Variants in TAFA1 observed in about 807,000 individuals in gnomAD.
The protein encoded by TAFA1 is chemokine-like protein TAFA-1.
A neutral mutation model predicts 18.5 loss-of-function variants in TAFA1; 4 were observed. That is an observed-to-expected ratio of 0.22 (90% CI 0.11 to 0.49). The LOEUF (loss-of-function observed/expected upper bound fraction) is 0.49, where lower values mean the gene tolerates loss of function less well. Ranked by LOEUF, TAFA1 falls within the 20% of genes least tolerant of loss-of-function variation. The pLI is 0.98. For synonymous variants in TAFA1, 56 were observed against 55.2 expected, an observed-to-expected ratio of 1.01 and a Z score of -0.06; for missense variants, 147 against 169.0, an observed-to-expected ratio of 0.87 and a Z score of 0.72.
At chr3:68,282,361 T>A (rs2067914494) in intron 2 of TAFA1, among the ~76,000 whole-genome samples, 1 of 152,180 alleles carries the variant, frequency 6.6e-6, no homozygotes, top group Admixed American at 6.5e-5. Context: ...GAGTACCTTG[T>A]GCATCCTTGT....
At chr3:68,335,906 A>G (rs1032867974) in intron 2 of TAFA1, among the ~76,000 whole-genome samples, 1 of 152,188 alleles carries the variant, frequency 6.6e-6, no homozygotes, top group Non-Finnish European at 1.5e-5. Context: ...TCATTTGTAC[A>G]CCTTCTTTGT....
At chr3:68,103,363 T>A (rs1309692540) in intron 2 of TAFA1, among the ~76,000 whole-genome samples, 3 of 152,252 alleles carry the variant, frequency 2.0e-5, no homozygotes, top group Non-Finnish European at 4.4e-5. Flanking sequence ...GGTTTCCTTG[T>A]TTTTAAACAT....
chr3:68,053,488 T>C (rs2106708011), intron 2 of TAFA1, among the ~76,000 whole-genome samples: 2 of 152,244 alleles, frequency 1.3e-5, no homozygotes, highest in Admixed American at 1.3e-4. Context: ...AGATACTCTC[T>C]TTACATTTCT....
chr3:68,471,736 C>T (rs1391209184), intron 3 of TAFA1, among the ~76,000 whole-genome samples: 2 of 152,162 alleles, frequency 1.3e-5, no homozygotes, highest in Non-Finnish European at 2.9e-5. Context: ...TATTAATCTC[C>T]TTTGGTGACA....
chr3:68,509,375 T>A (rs2072812682), intron 3 of TAFA1, among the ~76,000 whole-genome samples: 1 of 152,120 alleles, frequency 6.6e-6, no homozygotes, highest in African/African-American at 2.4e-5. Context: ...CTGACAAGAT[T>A]TCCGTCATGG....
chr3:68,454,797 G>A (rs2071628101), intron 3 of TAFA1, among the ~76,000 whole-genome samples: 1 of 152,112 alleles, frequency 6.6e-6, no homozygotes, highest in South Asian at 2.1e-4. Flanking sequence ...CCAACCCCCA[G>A]CTATTCTGAT....
chr3:68,370,369 T>TATATATACACACATATATATACACAC (rs1199950988), intron 2 of TAFA1, among the ~76,000 whole-genome samples: 1 of 46,518 alleles, frequency 2.1e-5, no homozygotes, highest in Non-Finnish European at 3.6e-5. Flanking sequence ...CACACACACA[T>TATATATACACACATATATATACACAC]ATATATATAC....
intron 3 of TAFA1, among the ~76,000 whole-genome samples, chr3:68,490,565 A>T (rs533761655): frequency 1.5e-4 from 23 of 152,308 alleles, no homozygotes; most frequent in African/African-American, 4.8e-4. Flanking sequence ...ACAGAAGAAC[A>T]GAGTGAAACT....
intron 2 of TAFA1, among the ~76,000 whole-genome samples, chr3:68,080,457 G>C (rs1187280103): frequency 6.6e-6 from 1 of 152,092 alleles, no homozygotes; most frequent in Non-Finnish European, 1.5e-5. Context: ...GGTACCGGTT[G>C]TTCCTGTCCA....
intron 2 of TAFA1, chr3:68,192,334 A>G (rs2066351537): frequency 2.0e-5 from 3 of 153,132 alleles, no homozygotes; most frequent in Non-Finnish European, 4.4e-5. Flanking sequence ...AGGTCACTCC[A>G]AGATAAAGTT....
intron 2 of TAFA1, among the ~76,000 whole-genome samples, chr3:68,128,437 A>G (rs2065497849): frequency 6.6e-6 from 1 of 152,218 alleles, no homozygotes; most frequent in Non-Finnish European, 1.5e-5. Context: ...TAAGTAGACA[A>G]GTAACTCACA....
intron 3 of TAFA1, among the ~76,000 whole-genome samples, chr3:68,482,225 T>C (rs139869023): frequency 0.028 from 4,226 of 152,306 alleles, 206 homozygotes; most frequent in African/African-American, 0.096. Context: ...TTAGCCAGGA[T>C]GGTTTCGATC....
intron 2 of TAFA1, among the ~76,000 whole-genome samples, chr3:68,092,781 A>C (rs1260608557): frequency 6.6e-6 from 1 of 152,166 alleles, no homozygotes; most frequent in Non-Finnish European, 1.5e-5. Flanking sequence ...CAAATGTACC[A>C]AAATAAAATC....
chr3:68,199,982 G>T (rs899913099), intron 2 of TAFA1, among the ~76,000 whole-genome samples: 1 of 151,420 alleles, frequency 6.6e-6, no homozygotes, highest in Non-Finnish European at 1.5e-5. Context: ...TAGGTGTTTT[G>T]TACATTTTAA....
rs185671582 is a variant in TAFA1, at chr3:68,402,961, C to G, written c.119-14319C>G. Among the ~76,000 whole-genome samples, 101 of 152,314 alleles carry G rather than the reference C, an allele frequency of 6.6e-4. 1 individual carries two copies. The Middle Eastern group carries it at 0.014, about 21-fold the overall frequency. On this transcript the variant is annotated intron_variant, in intron 2 of 4. Transcript: ENST00000478136. ...TCATCTTAAAGAATAATACAGTCAT[C>G]TGTCCCATAACAATGTTTCAGTTAA...
chr3:68,456,136 A>G (rs2071660477), intron 3 of TAFA1, among the ~76,000 whole-genome samples: 1 of 152,140 alleles, frequency 6.6e-6, no homozygotes, highest in Non-Finnish European at 1.5e-5. Flanking sequence ...AATGGAGCCA[A>G]TTCAGATAAA....
chr3:68,356,198 A>C (rs563632800), intron 2 of TAFA1, among the ~76,000 whole-genome samples: 28 of 151,856 alleles, frequency 1.8e-4, no homozygotes, highest in Non-Finnish European at 3.1e-4. Context: ...GGAATAAAAA[A>C]ACAATTTGAT....
At chr3:68,194,314 C>T (rs2066384292) in intron 2 of TAFA1, among the ~76,000 whole-genome samples, 1 of 151,798 alleles carries the variant, frequency 6.6e-6, no homozygotes, top group East Asian at 2.0e-4. Flanking sequence ...TTTCTATCTA[C>T]CTTGGTGGCT....
chr3:68,005,550 A>G (rs1169941214), intron 1 of TAFA1, among the ~76,000 whole-genome samples: 1 of 152,244 alleles, frequency 6.6e-6, no homozygotes, highest in Non-Finnish European at 1.5e-5. Flanking sequence ...TCATGAATAA[A>G]GAAGCCAGGC....
Sources: allele counts gnomAD v4.1 joint callset (sites outside exome capture counted in the v4.1 genomes callset), GRCh38; gene constraint gnomAD v4.1.1; transcripts MANE v1.5; gene names NCBI Gene and HGNC (gene_info 2026-07-23, HGNC 2026-07-21).